Variants in ADGRB3 observed in about 807,000 individuals in gnomAD.
ADGRB3 encodes the protein adhesion G protein-coupled receptor B3, also known as brain-specific angiogenesis inhibitor 3.
ADGRB3 carries 37 observed loss-of-function variants against 193.4 expected under a neutral mutation model. The ratio of observed to expected loss-of-function variants is 0.19; its 90% confidence interval spans 0.15 to 0.25. ADGRB3 has a LOEUF of 0.25. ADGRB3 is among the 10% of genes least tolerant of loss of function. ADGRB3 has a pLI of 1.00. For missense variants in ADGRB3, 1,637 were observed against 1,852.9 expected (o/e 0.88, Z 2.14); for synonymous variants, 690 against 644.2 (o/e 1.07, Z -1.08).
chr6:68,849,834 G>A (rs1050516498), intron 3 of ADGRB3, among the ~76,000 whole-genome samples: 2 of 151,814 alleles, frequency 1.3e-5, no homozygotes, highest in Admixed American at 6.6e-5. Flanking sequence ...TCAATCAAAT[G>A]TGTCAACTTT....
At chr6:69,180,812 C>T (rs1171631599) in intron 17 of ADGRB3, among the ~76,000 whole-genome samples, 1 of 152,166 alleles carries the variant, frequency 6.6e-6, no homozygotes, top group African/African-American at 2.4e-5. Flanking sequence ...CCATTTCTGG[C>T]CAAAGACTAA....
At position 69,045,939 on chromosome 6, in the gene ADGRB3, A is replaced by T. The variant is rs146380975; in HGVS notation, c.2108-2246A>T. Among the ~76,000 whole-genome samples the T allele has an allele frequency of 4.3e-3, 657 of 152,258 alleles. 7 individuals are homozygous for T. Among genetic ancestry groups the T allele is most frequent in the African/African-American group, 0.015 (639 of 41,570 alleles). On this transcript the variant is annotated intron_variant, in intron 13 of 31. Coordinates refer to ENST00000370598, the MANE Select transcript of ADGRB3 (RefSeq NM_001704.3). The stretch of plus-strand genomic sequence containing the variant: ...GTACAGTCTAATTTATATAATCATA[A>T]TTTAACAGCTAACGTACCTCTAATT...
chr6:68,850,430 G>T (rs1351881453), intron 3 of ADGRB3, among the ~76,000 whole-genome samples: 1 of 151,814 alleles, frequency 6.6e-6, no homozygotes, highest in African/African-American at 2.4e-5. Context: ...ATCACCTCTT[G>T]CATTGTATGT....
At chr6:69,281,611 A>ACATTG (rs1767438356) in intron 20 of ADGRB3, among the ~76,000 whole-genome samples, 2 of 152,268 alleles carry the variant, frequency 1.3e-5, no homozygotes, top group African/African-American at 4.8e-5. Context: ...ACATTGCTCT[A>ACATTG]AGTTCTCTCA....
chr6:68,926,592 A>T (rs1428987638), intron 3 of ADGRB3, among the ~76,000 whole-genome samples: 3 of 152,186 alleles, frequency 2.0e-5, no homozygotes, highest in African/African-American at 7.2e-5. Flanking sequence ...GGTGAGGATG[A>T]CTTCAGTGGA....
At chr6:69,145,281 C>A (rs1774455069) in intron 17 of ADGRB3, among the ~76,000 whole-genome samples, 1 of 152,202 alleles carries the variant, frequency 6.6e-6, no homozygotes, top group South Asian at 2.1e-4. Context: ...GTAGGGTGGG[C>A]AGCTCCAGGC....
chr6:68,945,874 A>G (rs1337008100), intron 6 of ADGRB3, among the ~76,000 whole-genome samples: 1 of 152,138 alleles, frequency 6.6e-6, no homozygotes, highest in Non-Finnish European at 1.5e-5. Context: ...TAGTAACACA[A>G]GTTTTTAAGC....
At chr6:69,035,334 A>G (rs1770835784) in intron 13 of ADGRB3, among the ~76,000 whole-genome samples, 1 of 148,278 alleles carries the variant, frequency 6.7e-6, no homozygotes, top group African/African-American at 2.5e-5. Context: ...TATTTTGAAA[A>G]AGGTATAGGA....
intron 21 of ADGRB3, among the ~76,000 whole-genome samples, chr6:69,325,743 G>A (rs371941641): frequency 6.6e-6 from 1 of 152,180 alleles, no homozygotes; most frequent in South Asian, 2.1e-4. Context: ...GGAGGAACCT[G>A]GGAAATTACA....
At chr6:69,375,853 G>A (rs1582665839) in intron 30 of ADGRB3, among the ~76,000 whole-genome samples, 1 of 152,000 alleles carries the variant, frequency 6.6e-6, no homozygotes, top group Admixed American at 6.6e-5. Flanking sequence ...TGGGGCGGGA[G>A]AATTGATTGA....
intron 11 of ADGRB3, among the ~76,000 whole-genome samples, chr6:69,002,306 C>G (rs1475699955): frequency 6.6e-6 from 1 of 151,450 alleles, no homozygotes; most frequent in Non-Finnish European, 1.5e-5. Flanking sequence ...GCAACCTCCG[C>G]CTCCCTGGTT....
chr6:69,273,918 A>C (rs1767235337), intron 20 of ADGRB3, among the ~76,000 whole-genome samples: 1 of 152,114 alleles, frequency 6.6e-6, no homozygotes, highest in South Asian at 2.1e-4. Context: ...TAGTTAGAAA[A>C]AAACAAAACA....
At chr6:68,969,290 A>G (rs926000512) in intron 8 of ADGRB3, among the ~76,000 whole-genome samples, 7 of 152,194 alleles carry the variant, frequency 4.6e-5, no homozygotes, top group Non-Finnish European at 2.9e-5. Flanking sequence ...GCAGCATTTT[A>G]AGGATAAATA....
intron 3 of ADGRB3, among the ~76,000 whole-genome samples, chr6:68,824,919 A>T (rs1436018295): frequency 6.6e-6 from 1 of 151,804 alleles, no homozygotes; most frequent in East Asian, 1.9e-4. Context: ...CAGTGGCGCG[A>T]TCTCCCTCAC....
chr6:68,840,764 C>T (rs1170145825), intron 3 of ADGRB3, among the ~76,000 whole-genome samples: 1 of 152,062 alleles, frequency 6.6e-6, no homozygotes, highest in East Asian at 1.9e-4. Flanking sequence ...TGAATAATAA[C>T]ATTGAATGTA....
At chr6:69,255,654 C>T (rs1049236239) in intron 20 of ADGRB3, among the ~76,000 whole-genome samples, 3 of 152,060 alleles carry the variant, frequency 2.0e-5, no homozygotes, top group Non-Finnish European at 4.4e-5. Context: ...TTGTGGGTTG[C>T]CTGTTCACTC....
intron 8 of ADGRB3, among the ~76,000 whole-genome samples, chr6:68,973,759 G>C (rs2150264933): frequency 6.6e-6 from 1 of 152,266 alleles, no homozygotes; most frequent in Admixed American, 6.5e-5. Flanking sequence ...ACTGATATAT[G>C]AACATGTAAA....
At chr6:68,712,284 G>A (rs952395081) in intron 3 of ADGRB3, among the ~76,000 whole-genome samples, 3 of 151,806 alleles carry the variant, frequency 2.0e-5, no homozygotes, top group Admixed American at 6.6e-5. Context: ...TGAAAAAAAG[G>A]CAAAGGGCAC....
chr6:69,334,063 T>G (rs1255751843), intron 24 of ADGRB3, among the ~76,000 whole-genome samples: 1 of 151,540 alleles, frequency 6.6e-6, no homozygotes, highest in Non-Finnish European at 1.5e-5. Context: ...ATATAGATTG[T>G]TAGTAGCTTT....
Sources: allele counts gnomAD v4.1 joint callset (sites outside exome capture counted in the v4.1 genomes callset), GRCh38; gene constraint gnomAD v4.1.1; transcripts MANE v1.5; gene names NCBI Gene and HGNC (gene_info 2026-07-23, HGNC 2026-07-21).